ADGRL3: variants seen among roughly 807,000 people sequenced by gnomAD.
The protein encoded by ADGRL3 is adhesion G protein-coupled receptor L3.
A neutral mutation model predicts 153.5 loss-of-function variants in ADGRL3; 62 were observed. That is an observed-to-expected ratio of 0.40 (90% confidence interval 0.33 to 0.50). The LOEUF is 0.50. Among genes scored for constraint, ADGRL3 ranks in the 20% least tolerant of loss-of-function variants. ADGRL3 has a pLI of 0.47. For missense variants in ADGRL3, 1,641 were observed against 1,859.4 expected (o/e 0.88, Z 2.16); for synonymous variants, 710 against 672.5 (o/e 1.06, Z -0.86).
At chr4:61,827,975 G>A (rs571892896) in intron 9 of ADGRL3, among the ~76,000 whole-genome samples, 2 of 152,250 alleles carry the variant, frequency 1.3e-5, no homozygotes, top group Admixed American at 6.5e-5. Flanking sequence ...TTTGGTCACC[G>A]GGTGGTTAGT....
chr4:61,952,355 T>G (rs1254131901), intron 17 of ADGRL3, among the ~76,000 whole-genome samples: 4 of 151,910 alleles, frequency 2.6e-5, no homozygotes, highest in Non-Finnish European at 5.9e-5. Flanking sequence ...GGCATACCCT[T>G]GTAGTCCCAG....
intron 25 of ADGRL3, among the ~76,000 whole-genome samples, chr4:62,046,623 T>G (rs1259574863): frequency 1.3e-5 from 2 of 151,996 alleles, no homozygotes; most frequent in Admixed American, 1.3e-4. Flanking sequence ...TGACGTTGAA[T>G]AAATTAATTT....
At chr4:61,745,890 C>G (rs1047259886) in intron 8 of ADGRL3, among the ~76,000 whole-genome samples, 1 of 152,120 alleles carries the variant, frequency 6.6e-6, no homozygotes, top group African/African-American at 2.4e-5. Flanking sequence ...GGACTAAATG[C>G]TCCCATTAAA....
At chr4:61,363,128 G>A (rs1207698740) in intron 1 of ADGRL3, among the ~76,000 whole-genome samples, 1 of 152,166 alleles carries the variant, frequency 6.6e-6, no homozygotes, top group African/African-American at 2.4e-5. Context: ...AATAGACTGT[G>A]ATGCTAAGAT....
intron 17 of ADGRL3, among the ~76,000 whole-genome samples, chr4:61,977,497 G>A (rs1300589146): frequency 1.3e-5 from 2 of 152,104 alleles, no homozygotes; most frequent in Non-Finnish European, 2.9e-5. Flanking sequence ...AGCAGTTAAA[G>A]CAAAATTTCA....
At chr4:62,056,434 C>T (rs1416579152) in intron 25 of ADGRL3, among the ~76,000 whole-genome samples, 1 of 151,896 alleles carries the variant, frequency 6.6e-6, no homozygotes. Context: ...CATCAGAAGG[C>T]AGTGCAGACA....
chr4:61,715,837 G>A (rs1035482357), intron 6 of ADGRL3, among the ~76,000 whole-genome samples: 3 of 151,196 alleles, frequency 2.0e-5, no homozygotes, highest in Admixed American at 6.6e-5. Context: ...TGCATGCTTG[G>A]CCAATTGGTC....
In ADGRL3 at chr4:61,545,482, G is replaced by A. The variant is rs544155590; in HGVS notation, c.259+27964G>A. Among the ~76,000 whole-genome samples, 14 of 152,216 alleles carry A rather than the reference G, an allele frequency of 9.2e-5. No homozygotes were observed. The South Asian group carries it at 2.9e-3, about 32-fold the overall frequency. ...CCAGACTGCTCATTAGCTCTCAAAC[G>A]CATTTCCTCCGCCTCAGGGAGCCAG... On this transcript the variant is annotated intron_variant, in intron 4 of 26. Coordinates refer to ENST00000683033, the MANE Select transcript of ADGRL3 (RefSeq NM_001387552.1).
intron 25 of ADGRL3, among the ~76,000 whole-genome samples, chr4:62,046,925 T>C (rs1395124268): frequency 6.6e-6 from 1 of 151,982 alleles, no homozygotes; most frequent in African/African-American, 2.4e-5. Context: ...AATCTTGTCT[T>C]ATTTCCCAGG....
At chr4:61,642,198 G>T (rs2093712339) in intron 5 of ADGRL3, among the ~76,000 whole-genome samples, 1 of 151,214 alleles carries the variant, frequency 6.6e-6, no homozygotes, top group East Asian at 2.0e-4. Context: ...CCCTTTGTCA[G>T]ATGAGTAGGT....
chr4:61,542,998 T>A (rs1026183480), intron 4 of ADGRL3, among the ~76,000 whole-genome samples: 1 of 152,190 alleles, frequency 6.6e-6, no homozygotes, highest in Admixed American at 6.5e-5. Context: ...TTTATTATAT[T>A]TTTTAGTCAG....
At chr4:61,301,236 A>C (rs764724492) in intron 1 of ADGRL3, among the ~76,000 whole-genome samples, 2 of 152,212 alleles carry the variant, frequency 1.3e-5, no homozygotes, top group African/African-American at 2.4e-5. Flanking sequence ...TGGGACTGCC[A>C]TTTTATTATA....
intron 3 of ADGRL3, among the ~76,000 whole-genome samples, chr4:61,514,496 G>A (rs550922745): frequency 6.6e-6 from 1 of 152,212 alleles, no homozygotes; most frequent in East Asian, 1.9e-4. Context: ...ACAATATCTT[G>A]AGTATAGTAC....
chr4:61,762,216 AG>A (rs1468999089), intron 8 of ADGRL3, among the ~76,000 whole-genome samples: 1 of 149,256 alleles, frequency 6.7e-6, no homozygotes, highest in Non-Finnish European at 1.5e-5. Context: ...GTAGACAGAA[AG>A]AACATTGACA....
chr4:61,583,992 T>G (rs766350692), intron 4 of ADGRL3, among the ~76,000 whole-genome samples: 3 of 152,056 alleles, frequency 2.0e-5, no homozygotes, highest in Non-Finnish European at 4.4e-5. Context: ...TTGTTGGCAT[T>G]TTCCATGTTT....
intron 2 of ADGRL3, among the ~76,000 whole-genome samples, chr4:61,470,161 AT>A (rs1226743654): frequency 2.6e-5 from 4 of 152,014 alleles, no homozygotes; most frequent in South Asian, 2.1e-4. Context: ...TACATAAATA[AT>A]TTTTTTAAGT....
At chr4:61,995,065 A>C (rs920611913) in intron 19 of ADGRL3, among the ~76,000 whole-genome samples, 1 of 151,818 alleles carries the variant, frequency 6.6e-6, no homozygotes, top group African/African-American at 2.4e-5. Context: ...GGGGCACACC[A>C]CCATGCCTAG....
intron 5 of ADGRL3, among the ~76,000 whole-genome samples, chr4:61,675,992 C>T (rs879936642): frequency 1.3e-5 from 2 of 151,840 alleles, no homozygotes; most frequent in African/African-American, 2.4e-5. Flanking sequence ...AATCATCTTT[C>T]TACCCTACAG....
chr4:61,374,293 G>A (rs1055780822), intron 1 of ADGRL3, among the ~76,000 whole-genome samples: 4 of 152,088 alleles, frequency 2.6e-5, no homozygotes, highest in Non-Finnish European at 4.4e-5. Flanking sequence ...ATGTCAGTTT[G>A]TCAATACTCT....
Sources: gnomAD v4.1 joint callset for allele counts (sites outside exome capture counted in the v4.1 genomes callset) on GRCh38, gnomAD v4.1.1 for gene constraint, MANE v1.5 for transcripts, NCBI Gene and HGNC (gene_info 2026-07-23, HGNC 2026-07-21) for gene names.